PCDHGA2: variants seen among roughly 807,000 people sequenced by gnomAD.
The protein encoded by PCDHGA2 is protocadherin gamma subfamily A, 2, also known as protocadherin gamma-A2.
PCDHGA2 carries 40 observed loss-of-function variants against 59.2 expected under a neutral mutation model. That is an observed-to-expected ratio of 0.68 (90% CI 0.52 to 0.88). The LOEUF is 0.88. Among genes scored for constraint, PCDHGA2 ranks in the 40% least tolerant of loss-of-function variants. The pLI is 0.00. For synonymous variants in PCDHGA2, 560 were observed against 526.0 expected (o/e 1.06, Z -0.89); for missense variants, 1,226 against 1,204.0 (o/e 1.02, Z -0.27).
Position 141,423,156 on chromosome 5 carries a change from CGTG to C in PCDHGA2, c.2425-71646_2425-71644del, listed in dbSNP as rs776903094. On this transcript the variant is annotated intron_variant, in intron 1 of 3. Coordinates refer to ENST00000394576, the MANE Select transcript of PCDHGA2 (RefSeq NM_018915.4). ...ACAGAGACGCGCTCAAGCAGAGCCT[CGTG>C]GTGGCCGTCCAGGACCACGGCCAGC... 8.2e-4 allele frequency: 1,328 copies of C among 1,613,396 alleles called. 15 individuals are homozygous for C. Among genetic ancestry groups the C allele is most frequent in the Admixed American group, 9.5e-4 (57 of 60,016 alleles).
intron 1 of PCDHGA2, chr5:141,404,954 A>C: frequency 6.2e-7 from 1 of 1,613,952 alleles, no homozygotes; most frequent in Non-Finnish European, 8.5e-7. Flanking sequence ...AGCTGACAGC[A>C]TCCCAGACAT....
At chr5:141,361,137 A>G (rs1215399684) in intron 1 of PCDHGA2, 2 of 1,613,630 alleles carry the variant, frequency 1.2e-6, no homozygotes, top group South Asian at 2.2e-5. Flanking sequence ...GCAGTATCCA[A>G]GTTGAAATTC....
chr5:141,360,892 G>C, intron 1 of PCDHGA2: 1 of 1,614,028 alleles, frequency 6.2e-7, no homozygotes, highest in Non-Finnish European at 8.5e-7. Context: ...CACCCTGAGG[G>C]AGGACGTGCC....
chr5:141,343,394 A>C, intron 1 of PCDHGA2: 1 of 979,842 alleles, frequency 1.0e-6, no homozygotes, highest in African/African-American at 1.7e-5. Context: ...GAGGAGGTGG[A>C]TATCTTATCA....
rs1176011355 is a variant in PCDHGA2 at position 141,485,491 on chromosome 5, G to A, written c.2425-9316G>A. The A allele has an allele frequency of 1.2e-6, 2 of 1,614,142 alleles. No individual in the cohort carries two copies. Among genetic ancestry groups the A allele is most frequent in the Non-Finnish European group, 1.7e-6 (2 of 1,180,040 alleles). On this transcript the variant is annotated intron_variant, in intron 1 of 3. Transcript: ENST00000394576. This position sits in a 1 kb window ranked among gnomAD's most constrained non-coding sequence, Gnocchi z 5.7. ...TCAGTGCCAGCTGCATCGTGCCCCT[G>A]GAGTTTGTCACCGAAGGTCCTTTGG...
chr5:141,355,205 C>T (rs1228836363), intron 1 of PCDHGA2: 2 of 1,597,330 alleles, frequency 1.3e-6, no homozygotes, highest in East Asian at 2.2e-5. Flanking sequence ...GTTGTAATGG[C>T]GGCGCCTCCT....
chr5:141,500,036 T>C (rs1001193977), intron 2 of PCDHGA2, among the ~76,000 whole-genome samples: 8 of 152,176 alleles, frequency 5.3e-5, no homozygotes, highest in African/African-American at 1.9e-4. Flanking sequence ...TGAGTGTCTC[T>C]TAAGTATCTT....
chr5:141,391,847 A>T (rs1478301262), intron 1 of PCDHGA2: 1 of 152,232 alleles, frequency 6.6e-6, no homozygotes, highest in Non-Finnish European at 1.5e-5. Context: ...TGTAAAAGTC[A>T]AGTCTGCTTT....
Position 141,511,315 on chromosome 5 carries a change from G to A in PCDHGA2, c.*142G>A. ...AAGGCCATGCTCCCCTTGGGAAACA[G>A]AAACAAGTGCCCAGTCAGCACCTAC... On this transcript the variant is annotated 3_prime_UTR_variant, in exon 4 of 4. Coordinates refer to ENST00000394576, the MANE Select transcript of PCDHGA2 (RefSeq NM_018915.4). 6.8e-7 allele frequency: 1 copy of A among 1,481,384 alleles called. No individual in the cohort carries two copies. Among genetic ancestry groups the A allele is most frequent in the Non-Finnish European group, 9.0e-7 (1 of 1,110,974 alleles). 91.8% of individuals were successfully genotyped at this position (1,481,384 alleles called of 1,614,324 possible).
chr5:141,450,903 C>T (rs1468232105), intron 1 of PCDHGA2, among the ~76,000 whole-genome samples: 3 of 151,086 alleles, frequency 2.0e-5, no homozygotes, highest in African/African-American at 7.3e-5. Context: ...CGGCTCACTG[C>T]AACCGCTGCC....
intron 1 of PCDHGA2, among the ~76,000 whole-genome samples, chr5:141,466,121 CA>C (rs908379481): frequency 4.8e-5 from 7 of 146,852 alleles, no homozygotes; most frequent in Non-Finnish European, 6.0e-5. Context: ...GACTCCAGCT[CA>C]AAAAAAAAAT....
intron 1 of PCDHGA2, chr5:141,442,416 T>A (rs2098323395): frequency 6.6e-6 from 1 of 152,206 alleles, no homozygotes; most frequent in Non-Finnish European, 1.5e-5. Flanking sequence ...CTGAGTGAAC[T>A]TCTTTTTTGA....
chr5:141,346,140 G>A lies in PCDHGA2; in HGVS notation c.2424+4745G>A, dbSNP rs752062170. 6.8e-6 allele frequency: 11 copies of A among 1,613,938 alleles called. No individual in the cohort carries two copies. The Admixed American group carries it at 1.8e-4, about 27-fold the overall frequency. ...GGTGGCGGTGGCCGCGGTCTCCTGC[G>A]TCTTCCTGGCCTTCGTCATCGTGCT... On this transcript the variant is annotated intron_variant, in intron 1 of 3. Coordinates refer to ENST00000394576, the MANE Select transcript of PCDHGA2 (RefSeq NM_018915.4).
chr5:141,351,754 G>A, intron 1 of PCDHGA2: 2 of 1,613,608 alleles, frequency 1.2e-6, no homozygotes, highest in Non-Finnish European at 1.7e-6. Context: ...GGGAGCTGTT[G>A]TCCTACGTGT....
At chr5:141,444,255 T>G (rs764607115) in intron 1 of PCDHGA2, among the ~76,000 whole-genome samples, 8 of 130,834 alleles carry the variant, frequency 6.1e-5, no homozygotes, top group Non-Finnish European at 1.2e-4. Context: ...CACTGCAACC[T>G]CCGCCTCCCA....
intron 1 of PCDHGA2, chr5:141,387,677 C>A (rs1256771366): frequency 1.8e-5 from 13 of 740,970 alleles, no homozygotes; most frequent in South Asian, 4.0e-5. Context: ...GATCTCCTCG[C>A]GCAGCCGCAG....
rs753032334 is a variant in PCDHGA2 at position 141,372,277 on chromosome 5, C to G, written c.2424+30882C>G. The G allele has an allele frequency of 7.4e-6, 12 of 1,612,994 alleles. No individual in the cohort carries two copies. Among genetic ancestry groups the G allele is most frequent in the Middle Eastern group, 3.3e-4 (2 of 6,080 alleles). Reference sequence around the variant, plus strand: ...GGCCTGCGCACGGGTGAGGTGCGCACGGCGCGTACCTTGGGCGACAGGGAG... The same window carrying G: ...GGCCTGCGCACGGGTGAGGTGCGCAGGGCGCGTACCTTGGGCGACAGGGAG... On this transcript the variant is annotated intron_variant, in intron 1 of 3. Transcript: ENST00000394576.
rs755443869 is a variant in PCDHGA2, at chr5:141,362,288, C to G, written c.2424+20893C>G. 6 of 1,614,094 alleles carry G rather than the reference C, an allele frequency of 3.7e-6. No individual in the cohort carries two copies. The South Asian group carries it at 6.6e-5, about 18-fold the overall frequency. The stretch of plus-strand genomic sequence containing the variant: ...GCAATCTCCCTGCGCCTGCGACTCT[C>G]TTCCAGGTCAGATGCTTGGGACTGT... On this transcript the variant is annotated intron_variant, in intron 1 of 3. Transcript: ENST00000394576.
At chr5:141,395,088 C>G (rs778953049) in intron 1 of PCDHGA2, 31 of 1,614,076 alleles carry the variant, frequency 1.9e-5, no homozygotes, top group East Asian at 6.7e-5. Flanking sequence ...GGAAGTCTCC[C>G]TCACCGCCGA....
Sources: allele counts gnomAD v4.1 joint callset (sites outside exome capture counted in the v4.1 genomes callset), GRCh38; gene constraint gnomAD v4.1.1; non-coding constraint Gnocchi (gnomAD v3.1); transcripts MANE v1.5; gene names NCBI Gene and HGNC (gene_info 2026-07-23, HGNC 2026-07-21).